Variants in ERI1 observed in about 807,000 individuals in gnomAD.
The protein encoded by ERI1 is 3'-5' exoribonuclease 1.
A neutral mutation model predicts 39.7 loss-of-function variants in ERI1; 39 were observed. The ratio of observed to expected loss-of-function variants is 0.98; its 90% CI spans 0.76 to 1.28. ERI1 has a LOEUF of 1.28. Among genes scored for constraint, ERI1 ranks in the 50% most tolerant of loss-of-function variants. The pLI is 0.00. For missense variants in ERI1, 581 were observed against 416.9 expected, an observed-to-expected ratio of 1.39 and a Z score of -3.43; for synonymous variants, 204 against 149.6, an observed-to-expected ratio of 1.36 and a Z score of -2.65.
intron 3 of ERI1, among the ~76,000 whole-genome samples, chr8:9,087,305 G>T (rs1025052562): frequency 1.3e-5 from 2 of 151,662 alleles, no homozygotes; most frequent in African/African-American, 2.4e-5. Context: ...GAGTGTAGTG[G>T]AGCGATCTTG....
intron 3 of ERI1, among the ~76,000 whole-genome samples, chr8:9,066,068 A>G (rs1798865735): frequency 1.3e-5 from 2 of 152,000 alleles, no homozygotes; most frequent in Admixed American, 6.6e-5. Context: ...CAACACCACT[A>G]TCTTCTCTAT....
chr8:9,012,126 T>C lies in ERI1; in HGVS notation c.498+374T>C, dbSNP rs112610151. Among the ~76,000 whole-genome samples the C allele has an allele frequency of 8.8e-3, 1,344 of 152,324 alleles. 20 individuals carry two copies. The highest frequency in any genetic ancestry group is 0.031 in the African/African-American group (1,290 of 41,570). On this transcript the variant is annotated intron_variant, in intron 3 of 6. Coordinates refer to ENST00000250263, the MANE Select transcript of ERI1 (RefSeq NM_153332.4). Reference sequence around the variant, plus strand: ...AGGGCCTCTGACATCAGCATTTTTTTGAAGCTTTTCAGTTGGTTTTAATAT... The same window carrying C: ...AGGGCCTCTGACATCAGCATTTTTTCGAAGCTTTTCAGTTGGTTTTAATAT...
chr8:9,040,745 G>GTA (rs1331130681), intron 3 of ERI1, among the ~76,000 whole-genome samples: 40 of 151,354 alleles, frequency 2.6e-4, no homozygotes, highest in African/African-American at 9.5e-4. Flanking sequence ...GGGGGTGTGT[G>GTA]TTAGTTCACA....
In ERI1 at chr8:9,016,198, C is replaced by CTG. The variant is rs113678234; in HGVS notation, c.499-123_499-122dup. 3.2e-3 allele frequency: 1,474 copies of CTG among 461,836 alleles called. 18 individuals are homozygous for CTG. The highest frequency in any genetic ancestry group is 0.027 in the African/African-American group (1,361 of 50,322). 28.6% of individuals were successfully genotyped at this position (461,836 alleles called of 1,614,324 possible). ...CGATGTGGGGAATTATTCTTAAAAA[C>CTG]TGGAAGGGTTTATGCCGTGAGATCC... is the stretch of plus-strand genomic sequence containing the variant. On this transcript the variant is annotated intron_variant, in intron 3 of 6. Transcript: ENST00000250263.
intron 3 of ERI1, among the ~76,000 whole-genome samples, chr8:9,081,558 T>C (rs1799366713): frequency 6.6e-6 from 1 of 152,176 alleles, no homozygotes; most frequent in Non-Finnish European, 1.5e-5. Flanking sequence ...CTGGGATCCC[T>C]CTTCCCCTCT....
intron 4 of ERI1, among the ~76,000 whole-genome samples, chr8:9,017,718 G>C (rs1351725530): frequency 6.6e-6 from 1 of 152,192 alleles, no homozygotes; most frequent in Non-Finnish European, 1.5e-5. Context: ...AGGTAGTTCA[G>C]GATGGTTCAG....
intron 3 of ERI1, among the ~76,000 whole-genome samples, chr8:9,075,610 A>G (rs2117438200): frequency 6.6e-6 from 1 of 151,888 alleles, no homozygotes. Flanking sequence ...TGTTGCTTCT[A>G]AAGAGACTTA....
intron 3 of ERI1, among the ~76,000 whole-genome samples, chr8:9,070,374 GCC>G (rs1799010897): frequency 6.6e-6 from 1 of 152,186 alleles, no homozygotes; most frequent in Non-Finnish European, 1.5e-5. Context: ...TATAATCCTA[GCC>G]CTTTGGGAGG....
intron 3 of ERI1, among the ~76,000 whole-genome samples, chr8:9,074,468 G>T (rs1314044704): frequency 6.6e-6 from 1 of 152,032 alleles, no homozygotes; most frequent in African/African-American, 2.4e-5. Flanking sequence ...TTGAGACAAG[G>T]TCTTGCTCTG....
At chr8:9,093,504 T>TAA (rs1040785856) in intron 3 of ERI1, among the ~76,000 whole-genome samples, 1,697 of 124,808 alleles carry the variant, frequency 0.014, 38 homozygotes, top group African/African-American at 0.046. Context: ...ACCTTGTCTC[T>TAA]AAAAAAAAAA....
chr8:9,077,605 T>C (rs575662112), intron 3 of ERI1, among the ~76,000 whole-genome samples: 2 of 152,314 alleles, frequency 1.3e-5, no homozygotes, highest in African/African-American at 4.8e-5. Context: ...CTGCTTTATC[T>C]GCTTATAATG....
chr8:9,037,632 GGT>G (rs1169241406), downstream of ERI1, among the ~76,000 whole-genome samples: 4 of 152,014 alleles, frequency 2.6e-5, no homozygotes, highest in Admixed American at 2.0e-4. Flanking sequence ...TATCTTGTAA[GGT>G]TAGTACCTGT....
intron 3 of ERI1, among the ~76,000 whole-genome samples, chr8:9,084,039 C>A (rs543270146): frequency 2.0e-5 from 3 of 152,148 alleles, no homozygotes; most frequent in Admixed American, 2.0e-4. Flanking sequence ...ATGATCAACC[C>A]GCCTCGGCCT....
At chr8:9,053,013 G>C (rs1798407005) in intron 3 of ERI1, among the ~76,000 whole-genome samples, 2 of 151,658 alleles carry the variant, frequency 1.3e-5, no homozygotes, top group African/African-American at 4.8e-5. Context: ...ATTTATTTTT[G>C]TTTTTGTTTT....
intron 3 of ERI1, among the ~76,000 whole-genome samples, chr8:9,097,434 A>G (rs1203101789): frequency 6.6e-6 from 1 of 152,060 alleles, no homozygotes; most frequent in African/African-American, 2.4e-5. Flanking sequence ...AGGCTGAGGC[A>G]GGTGGATCTC....
At position 9,030,045 on chromosome 8, in the gene ERI1, G is replaced by T; in HGVS notation, c.*11G>T. 1 of 1,611,894 alleles carries T rather than the reference G, an allele frequency of 6.2e-7. No individual in the cohort carries two copies. The highest frequency in any genetic ancestry group is 8.5e-7 in the Non-Finnish European group (1 of 1,178,138). The stretch of plus-strand genomic sequence containing the variant: ...CATTTTAGAAAGTAACAACAGTTTT[G>T]TGTGTGGATCATTCCAATTGAAGTT... On this transcript the variant is annotated 3_prime_UTR_variant, in exon 7 of 7. Transcript: ENST00000250263.
At chr8:9,018,600 C>G (rs1448892984) in intron 5 of ERI1, among the ~76,000 whole-genome samples, 194 bp downstream of exon 5, 4 of 152,132 alleles carry the variant, frequency 2.6e-5, no homozygotes, top group Non-Finnish European at 5.9e-5. Flanking sequence ...CAATACAGGA[C>G]TAGAACACTA....
chr8:9,030,066 A>C lies in ERI1; in HGVS notation c.*32A>C, dbSNP rs1354402859. The C allele has an allele frequency of 6.2e-7, 1 of 1,607,388 alleles. No individual in the cohort carries two copies. Among genetic ancestry groups the C allele is most frequent in the Non-Finnish European group, 8.5e-7 (1 of 1,174,696 alleles). ...TTTTGTGTGTGGATCATTCCAATTG[A>C]AGTTGCTATGAAGAGGTAGCAGATG... On this transcript the variant is annotated 3_prime_UTR_variant, in exon 7 of 7. Coordinates refer to ENST00000250263, the MANE Select transcript of ERI1 (RefSeq NM_153332.4).
chr8:9,009,522 G>C (rs1585188336), intron 2 of ERI1, among the ~76,000 whole-genome samples: 1 of 152,148 alleles, frequency 6.6e-6, no homozygotes, highest in Non-Finnish European at 1.5e-5. Flanking sequence ...GGACATAAAA[G>C]TGTATTGAGA....
Sources: gnomAD v4.1 joint callset for allele counts (sites outside exome capture counted in the v4.1 genomes callset) on GRCh38, gnomAD v4.1.1 for gene constraint, MANE v1.5 for transcripts, NCBI Gene and HGNC (gene_info 2026-07-23, HGNC 2026-07-21) for gene names.